Variants in ATAD3B observed in about 807,000 individuals in gnomAD.
The protein encoded by ATAD3B is ATPase family AAA domain-containing protein 3B.
In ATAD3B, 59 loss-of-function variants were observed where a neutral mutation model predicts 70.2. The observed-to-expected ratio is 0.84, with a 90% CI of 0.68 to 1.04. The LOEUF is 1.04. Ranked by LOEUF, ATAD3B falls within the 50% of genes least tolerant of loss-of-function variation. The probability of loss-of-function intolerance (pLI) is 0.00; values close to 1 mark genes in which losing one functional copy is unlikely to be tolerated. For synonymous variants in ATAD3B, 423 were observed against 388.6 expected (o/e 1.09, Z -1.04); for missense variants, 961 against 913.4 (o/e 1.05, Z -0.67).
At position 1,485,198 on chromosome 1, in the gene ATAD3B, G is replaced by A. The variant is rs543528602; in HGVS notation, c.906+27G>A. 31 of 1,607,808 alleles carry A rather than the reference G, an allele frequency of 1.9e-5. No individual in the cohort carries two copies. In the South Asian group the frequency reaches 3.2e-4, roughly 17 times the overall value. ...TAGCGGCGCAGGCCTGGCCCTCCCT[G>A]AGTGCAGTTCCTGGCTGAGTCCCTT... On this transcript the variant is annotated intron_variant, in intron 8 of 15. Transcript: ENST00000673477.
At chr1:1,493,963 G>C (rs764761091) in intron 15 of ATAD3B, among the ~76,000 whole-genome samples, 3 of 151,962 alleles carry the variant, frequency 2.0e-5, no homozygotes, top group Non-Finnish European at 2.9e-5. Flanking sequence ...TCTTCAATTT[G>C]TCCAAGAGTT....
chr1:1,477,171 A>T, intron 1 of ATAD3B, 103 bp from the exon 2 acceptor site: 4 of 1,459,428 alleles, frequency 2.7e-6, no homozygotes, highest in Non-Finnish European at 3.8e-6. Context: ...ACCGCTTCCC[A>T]CTAGGTTTTT....
intron 1 of ATAD3B, 85 bp from the exon 2 acceptor site, chr1:1,477,189 T>C (rs1447497752): frequency 1.3e-6 from 2 of 1,537,136 alleles, no homozygotes; most frequent in Middle Eastern, 2.3e-4. Flanking sequence ...TTTGTATTTT[T>C]AGTAGAGGTT....
chr1:1,487,957 G>C (rs778055023), intron 12 of ATAD3B, 43 bp downstream of exon 12: 1 of 1,608,878 alleles, frequency 6.2e-7, no homozygotes. Context: ...GAGGGTGGTC[G>C]GGTGGGCGCG....
intron 2 of ATAD3B, chr1:1,478,194 A>G (rs1188876875): frequency 9.1e-6 from 3 of 331,298 alleles, no homozygotes; most frequent in South Asian, 4.2e-5. Context: ...AAGGGGGTTC[A>G]GCATGTTGTC....
In ATAD3B at chr1:1,482,451, G is replaced by A. The variant is rs1244509911; in HGVS notation, c.681-94G>A. On this transcript the variant is annotated intron_variant, in intron 6 of 15. Coordinates refer to ENST00000673477, the MANE Select transcript of ATAD3B (RefSeq NM_031921.6). ...ACTGCCCCTCTGTCCTGGCAAGGCC[G>A]TGCCGCCATGTCAGGGCCTCACCCT... The A allele has an allele frequency of 7.4e-5, 119 of 1,605,410 alleles. 1 individual carries two copies. The highest frequency in any genetic ancestry group is 1.7e-4 in the Middle Eastern group (1 of 5,934).
downstream of ATAD3B, among the ~76,000 whole-genome samples, chr1:1,501,324 G>C (rs538112986): frequency 1.3e-5 from 2 of 151,492 alleles, no homozygotes; most frequent in Non-Finnish European, 2.9e-5. Flanking sequence ...GCACGATCTC[G>C]GCTCACTGCA....
intron 1 of ATAD3B, among the ~76,000 whole-genome samples, chr1:1,475,678 G>A (rs540130724): frequency 3.5e-4 from 53 of 151,940 alleles, no homozygotes; most frequent in African/African-American, 1.2e-3. Context: ...CTCCACAGAG[G>A]GGGTGCCTGG....
chr1:1,509,149 A>G, the ATAD3B span: 1 of 1,590,598 alleles, frequency 6.3e-7, no homozygotes, highest in Non-Finnish European at 8.6e-7. Context: ...CCTGGCGTGC[A>G]TTTGGGGTGG....
At chr1:1,491,074 ACCAGGTCCCTTGG>A (rs1450990834) in intron 15 of ATAD3B, among the ~76,000 whole-genome samples, 2 of 151,846 alleles carry the variant, frequency 1.3e-5, no homozygotes, top group African/African-American at 4.8e-5. Context: ...TGTTTCCTGG[ACCAGGTCCCTTGG>A]CTTGGTCCTG....
At chr1:1,503,420 T>A in the ATAD3B span, 2 of 677,260 alleles carry the variant, frequency 3.0e-6, no homozygotes, top group Non-Finnish European at 5.1e-6. Context: ...GGATGGGGCA[T>A]CGTCACGCCA....
rs772716092 is a variant in ATAD3B, at chr1:1,490,638, C to T, written c.1581C>T (p.Gly527=). Residue 527 remains glycine (G), a synonymous_variant, in exon 15 of 16, where the codon GGC becomes GGT. Transcript: ENST00000673477. ...EVARLTEGMS[G]REIAQLAVSW... is the part of the protein sequence containing the mutation. Reference sequence around the variant, plus strand: ...CTCGGCTGACGGAGGGCATGTCGGGCCGGGAGATCGCTCAGCTGGCCGTGT... The same window carrying T: ...CTCGGCTGACGGAGGGCATGTCGGGTCGGGAGATCGCTCAGCTGGCCGTGT... 3.7e-6 allele frequency: 6 copies of T among 1,604,448 alleles called. No homozygotes were observed. Among genetic ancestry groups the T allele is most frequent in the Non-Finnish European group, 2.5e-6 (3 of 1,176,480 alleles).
chr1:1,471,966 G>A lies in ATAD3B; in HGVS notation c.82G>A (p.Gly28Arg), dbSNP rs766445790. The stretch of plus-strand genomic sequence containing the variant: ...GCCGCCTTTGCCGCCCGCGCAGCCC[G>A]GGGCCGAGGGCGGCGGGGACCGCGG... Reference protein sequence around the residue: ...PPPPLPPAQPGAEGGGDRGLG... With the variant: ...PPPPLPPAQPRAEGGGDRGLG... Residue 28 changes from glycine to arginine, a missense_variant, in exon 1 of 16, where the codon GGG (glycine) becomes AGG (arginine). By Grantham distance (125) the Gly-to-Arg change is moderately radical. Around this residue, in one of 4 missense-constraint regions of ATAD3B, gnomAD observed 187 missense variants for 244.3 expected, o/e 0.77. Transcript: ENST00000673477. 505 of 1,241,768 alleles carry A rather than the reference G, an allele frequency of 4.1e-4. 3 individuals carry two copies. Among genetic ancestry groups the A allele is most frequent in the South Asian group, 3.6e-3 (87 of 24,466 alleles). 76.9% of individuals were successfully genotyped at this position (1,241,768 alleles called of 1,614,324 possible). A position where few individuals can be genotyped will look rare whatever the true frequency, so the allele number is the denominator to read the frequency against.
At chr1:1,482,642 C>A (rs754896682) in intron 7 of ATAD3B, 28 bp downstream of exon 7, 1 of 1,613,164 alleles carries the variant, frequency 6.2e-7, no homozygotes, top group East Asian at 2.2e-5. Context: ...ACAGGGCTGG[C>A]AGGTGGCTGA....
chr1:1,485,262 C>T, intron 8 of ATAD3B, 91 bp downstream of exon 8: 3 of 1,533,628 alleles, frequency 2.0e-6, no homozygotes, highest in Non-Finnish European at 1.8e-6. Flanking sequence ...CCTCCCGTCC[C>T]TTCCCTTTCC....
At chr1:1,479,723 A>C (rs1191878597) in intron 4 of ATAD3B, among the ~76,000 whole-genome samples, 1 of 141,610 alleles carries the variant, frequency 7.1e-6, no homozygotes, top group East Asian at 2.2e-4. Flanking sequence ...CGCACCTCCC[A>C]CACACACCCG....
chr1:1,483,342 C>T (rs1175130346), intron 7 of ATAD3B: 2 of 257,888 alleles, frequency 7.8e-6, no homozygotes, highest in African/African-American at 2.4e-5. Context: ...TGGCGTGCGC[C>T]TGGAATCCCA....
In ATAD3B at chr1:1,494,154, G is replaced by A. The variant is rs1321338015; in HGVS notation, c.1615-1331G>A. On this transcript the variant is annotated intron_variant, in intron 15 of 15. Coordinates refer to ENST00000673477, the MANE Select transcript of ATAD3B (RefSeq NM_031921.6). Reference sequence around the variant, plus strand: ...CACATGGTGAACATCATGTGTCACTGTTGGACCCACCCGCGACCAGGTTTT... The same window carrying A: ...CACATGGTGAACATCATGTGTCACTATTGGACCCACCCGCGACCAGGTTTT... Among the ~76,000 whole-genome samples, 5 of 149,864 alleles carry A rather than the reference G, an allele frequency of 3.3e-5. No individual in the cohort carries two copies. The East Asian group carries it at 6.0e-4, about 18-fold the overall frequency.
Position 1,495,858 on chromosome 1 carries a change from A to G in ATAD3B, c.*41A>G, listed in dbSNP as rs1293249194. On this transcript the variant is annotated 3_prime_UTR_variant, in exon 16 of 16. Transcript: ENST00000673477. Reference sequence around the variant, plus strand: ...GGGCAGGCCTCCTTCCTGCCCCTCGAGACACTCTTGGGAGATGCATTTTCC... The same window carrying G: ...GGGCAGGCCTCCTTCCTGCCCCTCGGGACACTCTTGGGAGATGCATTTTCC... 6.6e-7 allele frequency: 1 copy of G among 1,510,952 alleles called. No homozygotes were observed. The highest frequency in any genetic ancestry group is 2.3e-5 in the East Asian group (1 of 44,042). 93.6% of individuals were successfully genotyped at this position (1,510,952 alleles called of 1,614,324 possible). A position where few individuals can be genotyped will look rare whatever the true frequency, so the allele number is the denominator to read the frequency against.
Sources: gnomAD v4.1 joint callset for allele counts (sites outside exome capture counted in the v4.1 genomes callset) on GRCh38, gnomAD v4.1.1 for gene constraint, gnomAD v4.1.1 regional missense constraint, MANE v1.5 for transcripts, NCBI Gene and HGNC (gene_info 2026-07-23, HGNC 2026-07-21) for gene names.